Variants in CNTLN observed in about 807,000 individuals in gnomAD.
The protein encoded by CNTLN is centlein, centrosomal protein.
CNTLN carries 212 observed loss-of-function variants against 180.0 expected under a neutral mutation model. That is an observed-to-expected ratio of 1.18 (90% CI 1.05 to 1.32). CNTLN has a LOEUF of 1.32. CNTLN is among the 40% of genes most tolerant of loss of function. The pLI is 0.00. For missense variants in CNTLN, 2,095 were observed against 1,610.9 expected (o/e 1.30, Z -5.14); for synonymous variants, 722 against 563.1 (o/e 1.28, Z -3.99).
At chr9:17,391,457 G>C (rs1028935956) in intron 14 of CNTLN, among the ~76,000 whole-genome samples, 1 of 152,120 alleles carries the variant, frequency 6.6e-6, no homozygotes, top group East Asian at 1.9e-4. Context: ...TCTTGCTTCT[G>C]AGGCACTTCC....
At chr9:17,353,698 C>G (rs1257473027) in intron 12 of CNTLN, among the ~76,000 whole-genome samples, 5 of 150,228 alleles carry the variant, frequency 3.3e-5, no homozygotes, top group Admixed American at 1.3e-4. Flanking sequence ...CTCTTGGTTT[C>G]AAGCAATTAT....
chr9:17,501,339 G>C (rs1364765541), intron 25 of CNTLN, among the ~76,000 whole-genome samples: 1 of 152,174 alleles, frequency 6.6e-6, no homozygotes, highest in Non-Finnish European at 1.5e-5. Flanking sequence ...TGCTCTTTGG[G>C]TCTGAGGCAG....
chr9:17,489,848 G>A (rs550719374), intron 25 of CNTLN, among the ~76,000 whole-genome samples: 61 of 152,192 alleles, frequency 4.0e-4, no homozygotes, highest in African/African-American at 1.4e-3. Flanking sequence ...TTTGTCCCCA[G>A]AGATTTCTAG....
chr9:17,151,102 A>T (rs200691887), intron 2 of CNTLN, among the ~76,000 whole-genome samples: 1 of 152,142 alleles, frequency 6.6e-6, no homozygotes. Context: ...ACAGAGACAA[A>T]TTGACTTCCT....
chr9:17,523,241 C>T, the CNTLN span, among the ~76,000 whole-genome samples: 36 of 152,094 alleles, frequency 2.4e-4, no homozygotes, highest in East Asian at 3.5e-3. Flanking sequence ...CTTATACATA[C>T]GTTTTTTGTT....
intron 25 of CNTLN, chr9:17,494,756 A>T (rs1833356305): frequency 1.7e-4 from 54 of 313,606 alleles, no homozygotes; most frequent in South Asian, 1.3e-3. Context: ...ATGCTGGTGT[A>T]AACAAACCTG....
intron 21 of CNTLN, among the ~76,000 whole-genome samples, chr9:17,464,980 A>G (rs764885790): frequency 1.3e-5 from 2 of 151,240 alleles, no homozygotes; most frequent in African/African-American, 2.4e-5. Flanking sequence ...TTGATTACCT[A>G]TAACTATCAG....
intron 16 of CNTLN, among the ~76,000 whole-genome samples, 169 bp from the exon 17 acceptor site, chr9:17,415,619 G>C (rs934888402): frequency 5.3e-5 from 8 of 151,894 alleles, no homozygotes; most frequent in Admixed American, 1.3e-4. Context: ...GCCCAGGCTG[G>C]TCTCAAACTC....
At chr9:17,356,631 C>G (rs1055063695) in intron 12 of CNTLN, among the ~76,000 whole-genome samples, 1 of 152,150 alleles carries the variant, frequency 6.6e-6, no homozygotes, top group African/African-American at 2.4e-5. Flanking sequence ...GTAACTGAAT[C>G]TGTGTGACCT....
At chr9:17,320,501 T>C (rs1336403482) in intron 8 of CNTLN, among the ~76,000 whole-genome samples, 2 of 151,898 alleles carry the variant, frequency 1.3e-5, no homozygotes, top group Non-Finnish European at 2.9e-5. Flanking sequence ...CTTTTGTTTG[T>C]TTGTTTGTTT....
intron 1 of CNTLN, among the ~76,000 whole-genome samples, chr9:17,136,530 C>A (rs1366253784): frequency 1.3e-5 from 2 of 152,120 alleles, no homozygotes; most frequent in Non-Finnish European, 2.9e-5. Flanking sequence ...GGGGTTTCAC[C>A]GTGTTAGCCA....
chr9:17,408,449 A>G (rs1046128750), intron 15 of CNTLN, among the ~76,000 whole-genome samples: 37 of 152,016 alleles, frequency 2.4e-4, no homozygotes, highest in Non-Finnish European at 8.8e-5. Context: ...AGGTTACATG[A>G]GGGAAGGGAT....
intron 5 of CNTLN, among the ~76,000 whole-genome samples, chr9:17,242,163 A>G (rs528937000): frequency 2.6e-5 from 4 of 152,224 alleles, no homozygotes; most frequent in Admixed American, 1.3e-4. Flanking sequence ...TCAGTATCAT[A>G]CTAGCTTCTG....
chr9:17,457,426 T>C, intron 18 of CNTLN, 98 bp from the exon 19 acceptor site: 2 of 653,952 alleles, frequency 3.1e-6, no homozygotes, highest in Non-Finnish European at 4.4e-6. Flanking sequence ...TTCTCTTTAA[T>C]ATTTTCCTAG....
chr9:17,302,259 C>T (rs776462008), intron 7 of CNTLN, among the ~76,000 whole-genome samples: 12 of 151,734 alleles, frequency 7.9e-5, no homozygotes, highest in Non-Finnish European at 1.2e-4. Flanking sequence ...TGCAGTGGCA[C>T]GATCTCGACT....
intron 15 of CNTLN, among the ~76,000 whole-genome samples, chr9:17,403,457 A>G (rs1432580158): frequency 1.3e-5 from 2 of 151,722 alleles, no homozygotes; most frequent in Non-Finnish European, 1.5e-5. Context: ...AAATCCCAAA[A>G]AAAAGCTTCA....
chr9:17,169,078 G>A (rs2131636663), intron 2 of CNTLN, among the ~76,000 whole-genome samples: 1 of 152,262 alleles, frequency 6.6e-6, no homozygotes, highest in Middle Eastern at 3.4e-3. Context: ...GCTCACTGCA[G>A]CCTCGAATCT....
At chr9:17,326,002 T>A (rs939988863) in intron 8 of CNTLN, among the ~76,000 whole-genome samples, 4 of 152,082 alleles carry the variant, frequency 2.6e-5, no homozygotes, top group African/African-American at 9.7e-5. Flanking sequence ...ATATTTAAGT[T>A]GTATAATTTA....
intron 1 of CNTLN, among the ~76,000 whole-genome samples, chr9:17,142,010 A>G (rs1818133390): frequency 6.8e-6 from 1 of 147,666 alleles, no homozygotes; most frequent in Admixed American, 6.9e-5. Flanking sequence ...TGAACCTGGG[A>G]GGCAGAGGTT....
Sources: allele counts gnomAD v4.1 joint callset (sites outside exome capture counted in the v4.1 genomes callset), GRCh38; gene constraint gnomAD v4.1.1; transcripts MANE v1.5; gene names NCBI Gene and HGNC (gene_info 2026-07-23, HGNC 2026-07-21).